APBA1: variants seen among roughly 807,000 people sequenced by gnomAD.
APBA1 encodes the protein amyloid beta precursor protein binding family A member 1.
Under a neutral mutation model 86.6 loss-of-function variants are expected in APBA1, and 55 were observed. The observed-to-expected ratio is 0.64, with a 90% CI of 0.51 to 0.80. The LOEUF is 0.80. Among genes scored for constraint, APBA1 ranks in the 30% least tolerant of loss-of-function variants. The pLI is 0.00. For synonymous variants in APBA1, 511 were observed against 493.9 expected, an observed-to-expected ratio of 1.03 and a Z score of -0.46; for missense variants, 1,090 against 1,183.0, an observed-to-expected ratio of 0.92 and a Z score of 1.15.
At chr9:69,657,037 G>C (rs1422712494) in intron 1 of APBA1, among the ~76,000 whole-genome samples, 2 of 151,754 alleles carry the variant, frequency 1.3e-5, no homozygotes, top group African/African-American at 4.8e-5. Flanking sequence ...AGTAGAGACG[G>C]GGTTTCACCG....
At chr9:69,586,682 G>A (rs1326150867) in intron 1 of APBA1, among the ~76,000 whole-genome samples, 3 of 152,124 alleles carry the variant, frequency 2.0e-5, no homozygotes, top group Non-Finnish European at 4.4e-5. Flanking sequence ...GGAACAGTTG[G>A]TGTCTTCCTT....
At chr9:69,456,172 T>C (rs1835092955) in intron 8 of APBA1, 75 bp downstream of exon 8, 47 of 1,478,022 alleles carry the variant, frequency 3.2e-5, no homozygotes, top group Non-Finnish European at 4.4e-5. Flanking sequence ...TCATGTGTGA[T>C]GAATTAGACT....
In APBA1 at chr9:69,431,375, G is replaced by A. The variant is rs138207794; in HGVS notation, c.2466C>T (p.Ala822=). 6.2e-5 allele frequency: 100 copies of A among 1,613,282 alleles called. No homozygotes were observed. The highest frequency in any genetic ancestry group is 4.0e-4 in the South Asian group (36 of 90,948). ...VGEIHMKTMP[A]AMYRLLTAQE... ...GGGCCGTCAGCAGCCTGTACATCGC[G>A]GCTGGCATTGTCTTCATATGAATCT... Residue 822 remains alanine, a synonymous_variant, in exon 13 of 13, where the codon GCC becomes GCT. Transcript: ENST00000265381.
intron 1 of APBA1, among the ~76,000 whole-genome samples, chr9:69,553,895 G>A (rs954118125): frequency 6.6e-6 from 1 of 152,184 alleles, no homozygotes; most frequent in African/African-American, 2.4e-5. Flanking sequence ...ACACACAAGT[G>A]TGGACTGAAT....
chr9:69,432,385 G>T, intron 12 of APBA1, 151 bp downstream of exon 12: 1 of 668,102 alleles, frequency 1.5e-6, no homozygotes, highest in Non-Finnish European at 2.2e-6. Context: ...TTTGGCATTT[G>T]GTCAGAGACA....
intron 8 of APBA1, among the ~76,000 whole-genome samples, chr9:69,454,499 G>A (rs889375104): frequency 2.0e-5 from 3 of 152,168 alleles, no homozygotes; most frequent in Non-Finnish European, 4.4e-5. Context: ...AGGTACTATC[G>A]TCCTGCAGAA....
intron 1 of APBA1, among the ~76,000 whole-genome samples, chr9:69,666,114 A>G (rs561392981): frequency 6.6e-6 from 1 of 152,356 alleles, no homozygotes; most frequent in East Asian, 1.9e-4. Flanking sequence ...GTAGATGGTA[A>G]TACAGCCTTA....
At chr9:69,549,393 C>G (rs1241445951) in intron 1 of APBA1, among the ~76,000 whole-genome samples, 3 of 152,188 alleles carry the variant, frequency 2.0e-5, no homozygotes, top group Non-Finnish European at 4.4e-5. Context: ...AGAGGATACA[C>G]AGCCAGCCGA....
chr9:69,600,792 G>A (rs1019739381), intron 1 of APBA1, among the ~76,000 whole-genome samples: 6 of 136,766 alleles, frequency 4.4e-5, no homozygotes, highest in South Asian at 4.4e-4. Context: ...AGAAGACTTC[G>A]TCTCAAAAAA....
intron 2 of APBA1, among the ~76,000 whole-genome samples, chr9:69,493,416 C>T (rs12235168): frequency 0.11 from 16,170 of 152,052 alleles, 1,031 homozygotes; most frequent in East Asian, 0.28. Flanking sequence ...GCAGTCCAAC[C>T]CCATTTCAAA....
chr9:69,512,152 A>G (rs993773027), intron 2 of APBA1, among the ~76,000 whole-genome samples: 2 of 152,176 alleles, frequency 1.3e-5, no homozygotes, highest in Non-Finnish European at 2.9e-5. Context: ...ATATTTTTCA[A>G]GAAGGGGATT....
At chr9:69,475,463 G>A (rs1457571431) in intron 3 of APBA1, among the ~76,000 whole-genome samples, 3 of 152,154 alleles carry the variant, frequency 2.0e-5, no homozygotes, top group South Asian at 2.1e-4. Context: ...TCTCGCAGGC[G>A]GCACTGCACC....
rs183690603 is a variant in APBA1, at chr9:69,467,910, G to A, written c.1395C>T (p.Tyr465=). 3 of 1,614,158 alleles carry A rather than the reference G, an allele frequency of 1.9e-6. No homozygotes were observed. Among genetic ancestry groups the A allele is most frequent in the Admixed American group, 3.3e-5 (2 of 60,018 alleles). The part of the protein sequence containing the change: ...LIDGIIFAAN[Y]LGSTQLLSDK... Reference sequence around the variant, plus strand: ...CTGAGAGCAGCTGAGTGGAGCCAAGGTAATTGGCGGCAAAAATGATTCCAT... The same window carrying A: ...CTGAGAGCAGCTGAGTGGAGCCAAGATAATTGGCGGCAAAAATGATTCCAT... Residue 465 remains tyrosine (Y), a synonymous_variant, in exon 5 of 13, where the codon TAC becomes TAT. Coordinates refer to ENST00000265381, the MANE Select transcript of APBA1 (RefSeq NM_001163.4).
At chr9:69,645,365 C>T (rs1823371757) in intron 1 of APBA1, among the ~76,000 whole-genome samples, 1 of 152,200 alleles carries the variant, frequency 6.6e-6, no homozygotes, top group East Asian at 1.9e-4. Context: ...TTGAAAACAT[C>T]AGTTAAGGCA....
At chr9:69,433,808 CTTTTTTT>C (rs35255395) in intron 11 of APBA1, among the ~76,000 whole-genome samples, 5 of 128,458 alleles carry the variant, frequency 3.9e-5, no homozygotes, top group African/African-American at 8.8e-5. Flanking sequence ...TTACCTAGGA[CTTTTTTT>C]TTTTTTTTTT....
chr9:69,489,094 T>TTTCTTC (rs1348496438), intron 2 of APBA1, among the ~76,000 whole-genome samples: 4 of 152,240 alleles, frequency 2.6e-5, no homozygotes, highest in Non-Finnish European at 5.9e-5. Flanking sequence ...CCCATCAAGC[T>TTTCTTC]ACCAATGACT....
chr9:69,497,077 A>AAGAACTT (rs1835810548), intron 2 of APBA1, among the ~76,000 whole-genome samples: 2 of 152,102 alleles, frequency 1.3e-5, no homozygotes, highest in Admixed American at 6.5e-5. Flanking sequence ...ATTGGTACAA[A>AAGAACTT]AGAACTTAGA....
chr9:69,574,692 A>G (rs1038199965), intron 1 of APBA1, among the ~76,000 whole-genome samples: 9 of 152,176 alleles, frequency 5.9e-5, no homozygotes, highest in Admixed American at 2.6e-4. Flanking sequence ...GTTTTTTGAA[A>G]CATGGATCCA....
At chr9:69,502,259 A>G (rs1209204016) in intron 2 of APBA1, among the ~76,000 whole-genome samples, 2 of 152,044 alleles carry the variant, frequency 1.3e-5, no homozygotes, top group Non-Finnish European at 2.9e-5. Context: ...CTAGATGGTG[A>G]TGGTCTGATG....
Sources: allele counts gnomAD v4.1 joint callset (sites outside exome capture counted in the v4.1 genomes callset), GRCh38; gene constraint gnomAD v4.1.1; transcripts MANE v1.5; gene names NCBI Gene and HGNC (gene_info 2026-07-23, HGNC 2026-07-21).